Variants in R3HDM4 observed in about 807,000 individuals in gnomAD.
R3HDM4 encodes the protein R3H domain-containing protein 4.
A neutral mutation model predicts 31.3 loss-of-function variants in R3HDM4; 30 were observed. The observed-to-expected ratio is 0.96, with a 90% CI of 0.72 to 1.30. The LOEUF (loss-of-function observed/expected upper bound fraction) is 1.30, where lower values mean the gene tolerates loss of function less well. R3HDM4 is among the 50% of genes most tolerant of loss of function. The probability of loss-of-function intolerance (pLI) is 0.00; values close to 1 mark genes in which losing one functional copy is unlikely to be tolerated. For missense variants in R3HDM4, 444 were observed against 366.1 expected (o/e 1.21, Z -1.74); for synonymous variants, 196 against 156.6 (o/e 1.25, Z -1.88).
intron 2 of R3HDM4, 138 bp downstream of exon 2, chr19:901,838 G>A (rs897359863): frequency 1.7e-4 from 146 of 858,904 alleles, no homozygotes; most frequent in African/African-American, 4.1e-4. Flanking sequence ...ATGGTCCCCC[G>A]GCCTACAGCT....
intron 7 of R3HDM4, among the ~76,000 whole-genome samples, chr19:898,525 G>A (rs986569022): frequency 1.3e-5 from 2 of 151,692 alleles, no homozygotes; most frequent in Non-Finnish European, 2.9e-5. Context: ...GCTTGAACCC[G>A]GAGGTGGAGG....
intron 1 of R3HDM4, among the ~76,000 whole-genome samples, chr19:905,446 G>A (rs11878594): frequency 0.031 from 4,533 of 148,612 alleles, 245 homozygotes; most frequent in African/African-American, 0.11. Flanking sequence ...CGGAGGTTGC[G>A]GTGAGCCAAG....
rs1353127174 is a variant in R3HDM4, at chr19:899,969, A to G, written c.561+92T>C. The G allele has an allele frequency of 7.6e-7, 1 of 1,314,948 alleles. No homozygotes were observed. The highest frequency in any genetic ancestry group is 1.1e-6 in the Non-Finnish European group (1 of 916,146). The allele number at this position is 1,314,948 out of a possible 1,614,324, so 81.5% of individuals were successfully genotyped here. A position where few individuals can be genotyped will look rare whatever the true frequency, so the allele number is the denominator to read the frequency against. On this transcript the variant is annotated intron_variant, in intron 5 of 7. Coordinates refer to ENST00000361574, the MANE Select transcript of R3HDM4 (RefSeq NM_138774.4). This position sits in a 1 kb window ranked among gnomAD's most constrained non-coding sequence, Gnocchi z 6.8. ...ATCCTGCCCTGTTTCCCCTGACACGACCTGCACCGGGTGAGAACCTGTGCC... is the reference window on the plus strand; with the variant it reads ...ATCCTGCCCTGTTTCCCCTGACACGGCCTGCACCGGGTGAGAACCTGTGCC...
chr19:901,050 C>G (rs142927093), intron 3 of R3HDM4, 98 bp from the exon 4 acceptor site: 1 of 1,408,570 alleles, frequency 7.1e-7, no homozygotes, highest in Admixed American at 2.4e-5. Context: ...AGCACGTGGA[C>G]GCGCTCCTGC....
chr19:902,635 CA>C (rs903417934), intron 1 of R3HDM4: 3 of 148,000 alleles, frequency 2.0e-5, no homozygotes, highest in Non-Finnish European at 3.0e-5. Context: ...AGACTGTGTC[CA>C]AAAAAAATAA....
At chr19:901,334 G>T in intron 3 of R3HDM4, 88 bp downstream of exon 3, 1 of 1,422,830 alleles carries the variant, frequency 7.0e-7, no homozygotes, top group Non-Finnish European at 9.5e-7. Context: ...GGGTGCTTCT[G>T]GCGGGGGACG....
chr19:900,215 C>T (rs1478692957), intron 4 of R3HDM4, 69 bp from the exon 5 acceptor site: 8 of 1,320,268 alleles, frequency 6.1e-6, no homozygotes, highest in South Asian at 2.8e-5. Context: ...TGCCAGACCA[C>T]GCCCACCCAG....
Position 913,066 on chromosome 19 carries a change from G to C in R3HDM4, c.71+21C>G. ...CCAGCCCGCCCCCGGCGCCCGCCGC[G>C]CCCCGCCCGCCCGCGCTCACAGCAG... On this transcript the variant is annotated intron_variant, in intron 1 of 7. Transcript: ENST00000361574. The surrounding 1 kb of genome is among the most constrained non-coding windows in gnomAD (Gnocchi z 5.0). The C allele has an allele frequency of 7.4e-6, 7 of 939,634 alleles. No individual in the cohort carries two copies. The highest frequency in any genetic ancestry group is 9.0e-6 in the Non-Finnish European group (7 of 775,522). 58.2% of individuals were successfully genotyped at this position (939,634 alleles called of 1,614,324 possible).
At position 902,183 on chromosome 19, in the gene R3HDM4, G is replaced by C. The variant is rs545773434; in HGVS notation, c.72-53C>G. ...AGGGTCAAGGCCGGCCAGGATCTCC[G>C]AGAAGGGCCCTACCACAGCCATGGC... is the stretch of plus-strand genomic sequence containing the variant. On this transcript the variant is annotated intron_variant, in intron 1 of 7. Coordinates refer to ENST00000361574, the MANE Select transcript of R3HDM4 (RefSeq NM_138774.4). 29 of 1,597,026 alleles carry C rather than the reference G, an allele frequency of 1.8e-5. No homozygotes were observed. The South Asian group carries it at 2.9e-4, about 16-fold the overall frequency.
chr19:907,816 C>T lies in R3HDM4; in HGVS notation c.71+5271G>A, dbSNP rs900109437. ...CTGTTTTGTTTGGTATCTGAGGGCT[C>T]GCCACCCTCCCCTGGGTCTCTAGTG... On this transcript the variant is annotated intron_variant, in intron 1 of 7. Coordinates refer to ENST00000361574, the MANE Select transcript of R3HDM4 (RefSeq NM_138774.4). This position sits in a 1 kb window ranked among gnomAD's most constrained non-coding sequence, Gnocchi z 4.1. Among the ~76,000 whole-genome samples, 3 of 152,166 alleles carry T rather than the reference C, an allele frequency of 2.0e-5. No homozygotes were observed. The highest frequency in any genetic ancestry group is 2.9e-5 in the Non-Finnish European group (2 of 68,026).
At position 900,118 on chromosome 19, in the gene R3HDM4, G is replaced by A. The variant is rs957063293; in HGVS notation, c.504C>T (p.Cys168=). ...GCAGACGCCGGCTGATGCGCTGGAA[G>A]CACTCGCGGGGTGTATAGGCGGGGT... ...REDPAYTPRE[C]FQRISRRLRA... Residue 168 remains cysteine, a synonymous_variant, in exon 5 of 8, where the codon TGC becomes TGT. Coordinates refer to ENST00000361574, the MANE Select transcript of R3HDM4 (RefSeq NM_138774.4). 3.1e-6 allele frequency: 5 copies of A among 1,603,418 alleles called. No individual in the cohort carries two copies. The Admixed American group carries it at 6.8e-5, about 22-fold the overall frequency.
intron 2 of R3HDM4, 66 bp from the exon 3 acceptor site, chr19:901,612 C>T: frequency 6.4e-7 from 1 of 1,559,902 alleles, no homozygotes; most frequent in Non-Finnish European, 8.7e-7. Context: ...CCATGGGGAC[C>T]CAAGAACTAG....
chr19:901,693 G>A, intron 2 of R3HDM4, 147 bp from the exon 3 acceptor site: 1 of 1,066,852 alleles, frequency 9.4e-7, no homozygotes, highest in South Asian at 1.6e-5. Context: ...AAGGTACAGA[G>A]ACCACCTAGA....
intron 3 of R3HDM4, 79 bp downstream of exon 3, chr19:901,343 C>T (rs1031374810): frequency 1.0e-5 from 15 of 1,470,358 alleles, no homozygotes; most frequent in South Asian, 1.2e-5. Context: ...TGGCGGGGGA[C>T]GGGCACAGGC....
At chr19:912,910 G>A (rs1035125522) in intron 1 of R3HDM4, among the ~76,000 whole-genome samples, 177 bp downstream of exon 1, 5 of 151,462 alleles carry the variant, frequency 3.3e-5, no homozygotes, top group Non-Finnish European at 7.4e-5. Flanking sequence ...TCCACAGCGG[G>A]CGAGAAGGGA....
In R3HDM4 at chr19:913,051, C is replaced by CCG. The variant is rs1555722630; in HGVS notation, c.71+35_71+36insCG. Reference sequence around the variant, plus strand: ...CTCAGGGGAGGGAGCCCAGCCCGCCCCCGGCGCCCGCCGCGCCCCGCCCGC... The same window carrying CCG: ...CTCAGGGGAGGGAGCCCAGCCCGCCCCGCCGGCGCCCGCCGCGCCCCGCCCGC... On this transcript the variant is annotated intron_variant, in intron 1 of 7. Transcript: ENST00000361574. The surrounding 1 kb of genome is among the most constrained non-coding windows in gnomAD (Gnocchi z 5.0). 3 of 881,462 alleles carry CCG rather than the reference C, an allele frequency of 3.4e-6. No homozygotes were observed. The highest frequency in any genetic ancestry group is 4.1e-6 in the Non-Finnish European group (3 of 725,912). 54.6% of individuals were successfully genotyped at this position (881,462 alleles called of 1,614,324 possible).
chr19:901,055 T>TTGG, intron 3 of R3HDM4, 103 bp from the exon 4 acceptor site: 1 of 1,390,336 alleles, frequency 7.2e-7, no homozygotes, highest in Non-Finnish European at 9.7e-7. Context: ...GTGGACGCGC[T>TTGG]CCTGCGGTCA....
intron 1 of R3HDM4, among the ~76,000 whole-genome samples, chr19:905,684 CAA>C (rs35211343): frequency 2.4e-4 from 16 of 66,300 alleles, no homozygotes; most frequent in Admixed American, 1.8e-4. Context: ...GACTCTGTCT[CAA>C]AAAAAAAAAA....
At chr19:901,938 C>T (rs1275944317) in intron 2 of R3HDM4, 38 bp downstream of exon 2, 11 of 1,610,200 alleles carry the variant, frequency 6.8e-6, no homozygotes, top group Non-Finnish European at 9.3e-6. Flanking sequence ...CTACAAGGCC[C>T]AGGAGCCCCC....
Sources: allele counts gnomAD v4.1 joint callset (sites outside exome capture counted in the v4.1 genomes callset), GRCh38; gene constraint gnomAD v4.1.1; non-coding constraint Gnocchi (gnomAD v3.1); transcripts MANE v1.5; gene names NCBI Gene and HGNC (gene_info 2026-07-23, HGNC 2026-07-21).